DLGAP2: variants seen among roughly 807,000 people sequenced by gnomAD.
DLGAP2 encodes the protein disks large-associated protein 2.
A neutral mutation model predicts 100.3 loss-of-function variants in DLGAP2; 26 were observed. The observed-to-expected ratio is 0.26, with a 90% CI of 0.19 to 0.36. The LOEUF (loss-of-function observed/expected upper bound fraction) is 0.36, where lower values mean the gene tolerates loss of function less well. DLGAP2 is among the 10% of genes least tolerant of loss of function. The probability of loss-of-function intolerance (pLI) is 1.00; values close to 1 mark genes in which losing one functional copy is unlikely to be tolerated. For missense variants in DLGAP2, 1,858 were observed against 1,453.2 expected, an observed-to-expected ratio of 1.28 and a Z score of -4.53; for synonymous variants, 886 against 630.1, an observed-to-expected ratio of 1.41 and a Z score of -6.08.
At chr8:1,342,638 T>C (rs911412160) in intron 3 of DLGAP2, among the ~76,000 whole-genome samples, 18 of 152,244 alleles carry the variant, frequency 1.2e-4, no homozygotes, top group African/African-American at 3.9e-4. Flanking sequence ...AAGTGCGTTA[T>C]CACATGCGAA....
chr8:1,203,293 T>A (rs1198450636), intron 2 of DLGAP2, among the ~76,000 whole-genome samples: 1 of 149,156 alleles, frequency 6.7e-6, no homozygotes, highest in Non-Finnish European at 1.5e-5. Flanking sequence ...CACCCCTCGG[T>A]GTTAGAATCC....
chr8:1,596,800 C>T (rs1796472854), intron 6 of DLGAP2, among the ~76,000 whole-genome samples: 1 of 152,106 alleles, frequency 6.6e-6, no homozygotes, highest in Non-Finnish European at 1.5e-5. Flanking sequence ...AGATAGATTA[C>T]AAACATTTTC....
At chr8:1,407,415 C>G (rs1316682804) in intron 3 of DLGAP2, among the ~76,000 whole-genome samples, 5 of 122,490 alleles carry the variant, frequency 4.1e-5, no homozygotes, top group African/African-American at 6.0e-5. Context: ...CTGAGCGCCA[C>G]CTCCTTGTCC....
At chr8:1,174,102 A>G (rs751929282) in intron 2 of DLGAP2, among the ~76,000 whole-genome samples, 10 of 152,156 alleles carry the variant, frequency 6.6e-5, no homozygotes, top group Non-Finnish European at 1.5e-4. Context: ...TTAAACAGTG[A>G]CAGAGGGCTC....
chr8:1,436,706 G>A (rs750531278), intron 3 of DLGAP2, among the ~76,000 whole-genome samples: 20 of 151,940 alleles, frequency 1.3e-4, no homozygotes, highest in African/African-American at 3.6e-4. Flanking sequence ...CTCGGGCCGC[G>A]CATTCACTCC....
At chr8:1,614,015 C>T (rs1797068332) in intron 6 of DLGAP2, among the ~76,000 whole-genome samples, 2 of 152,150 alleles carry the variant, frequency 1.3e-5, no homozygotes, top group South Asian at 2.1e-4. Context: ...GTCTCAGACT[C>T]GGCGGGGTTT....
chr8:1,691,664 C>T (rs750607547), intron 13 of DLGAP2, 38 bp downstream of exon 13: 7 of 1,495,532 alleles, frequency 4.7e-6, no homozygotes, highest in Non-Finnish European at 6.5e-6. Flanking sequence ...TCCCTGTAAC[C>T]AAGCTAATGG....
chr8:1,487,801 C>T (rs146045608), intron 3 of DLGAP2, among the ~76,000 whole-genome samples: 278 of 152,276 alleles, frequency 1.8e-3, no homozygotes, highest in Middle Eastern at 6.8e-3. Context: ...TGGTCGAGTA[C>T]GAGTAGTCGG....
At position 1,632,855 on chromosome 8, in the gene DLGAP2, T is replaced by G. The variant is rs1448299234; in HGVS notation, c.1619T>G (p.Phe540Cys). ...QVSEAEINGQFESVCESVFSE... is the reference protein window; with the variant it reads ...QVSEAEINGQCESVCESVFSE... ...AGCGAGGCGGAGATCAATGGGCAAT[T>G]CGAGTCCGTGTGCGAGTCCGTCTTC... Residue 540 changes from phenylalanine (F) to cysteine (C), a missense_variant, in exon 8 of 15, where the codon TTC becomes TGC. Physicochemically the swap from Phe to Cys is radical, Grantham distance 205 (BLOSUM62 -2). Coordinates refer to ENST00000637795, the MANE Select transcript of DLGAP2 (RefSeq NM_001346810.2). The G allele has an allele frequency of 4.3e-6, 7 of 1,613,198 alleles. No individual in the cohort carries two copies. The highest frequency in any genetic ancestry group is 5.9e-6 in the Non-Finnish European group (7 of 1,179,384).
intron 3 of DLGAP2, among the ~76,000 whole-genome samples, chr8:1,485,350 T>A (rs1799211030): frequency 6.6e-6 from 1 of 152,222 alleles, no homozygotes. Context: ...GACTTATCTA[T>A]GATTCAAATG....
intron 8 of DLGAP2, among the ~76,000 whole-genome samples, chr8:1,664,480 C>T (rs1244511128): frequency 6.6e-6 from 1 of 152,158 alleles, no homozygotes; most frequent in East Asian, 1.9e-4. Flanking sequence ...TTATGGAGCA[C>T]ACTGGGGCCA....
chr8:1,303,716 C>G (rs1380314067), intron 3 of DLGAP2, among the ~76,000 whole-genome samples: 7 of 152,180 alleles, frequency 4.6e-5, no homozygotes, highest in Non-Finnish European at 8.8e-5. Context: ...GGCACGGGTG[C>G]TTCCTCCCAG....
intron 2 of DLGAP2, among the ~76,000 whole-genome samples, chr8:1,029,605 G>T (rs1801917572): frequency 7.6e-6 from 1 of 131,628 alleles, no homozygotes; most frequent in South Asian, 2.6e-4. Context: ...GTGCCAACAG[G>T]TTCTGGCAGG....
chr8:1,275,572 C>G (rs945837101), intron 3 of DLGAP2, among the ~76,000 whole-genome samples: 8 of 151,000 alleles, frequency 5.3e-5, no homozygotes, highest in African/African-American at 2.0e-4. Context: ...ATTCCCAGAT[C>G]TTCACAAAGA....
At chr8:788,495 C>A (rs766532436) in intron 1 of DLGAP2, among the ~76,000 whole-genome samples, 2 of 152,210 alleles carry the variant, frequency 1.3e-5, no homozygotes, top group Admixed American at 1.3e-4. Context: ...AAGTTTGGCA[C>A]CATCCCAGGT....
At chr8:988,376 T>C (rs1051311610) in intron 2 of DLGAP2, among the ~76,000 whole-genome samples, 2 of 152,234 alleles carry the variant, frequency 1.3e-5, no homozygotes, top group Non-Finnish European at 2.9e-5. Context: ...TTTATTCTTC[T>C]CTCCGAAGCT....
intron 3 of DLGAP2, among the ~76,000 whole-genome samples, chr8:1,329,010 G>T (rs1258080098): frequency 1.3e-5 from 2 of 152,244 alleles, no homozygotes; most frequent in East Asian, 3.8e-4. Flanking sequence ...TCTGCAGGCA[G>T]AGTCCACATG....
At chr8:1,036,702 G>T (rs1044392288) in intron 2 of DLGAP2, among the ~76,000 whole-genome samples, 4 of 152,128 alleles carry the variant, frequency 2.6e-5, no homozygotes, top group African/African-American at 9.7e-5. Flanking sequence ...GGCAGGGAGG[G>T]TGCTGGCTCC....
At chr8:1,187,227 T>C (rs1487486953) in intron 2 of DLGAP2, among the ~76,000 whole-genome samples, 1 of 151,994 alleles carries the variant, frequency 6.6e-6, no homozygotes, top group African/African-American at 2.4e-5. Context: ...ACACGGGACC[T>C]CCGTGACGTT....
Sources: allele counts gnomAD v4.1 joint callset (sites outside exome capture counted in the v4.1 genomes callset), GRCh38; gene constraint gnomAD v4.1.1; transcripts MANE v1.5; gene names NCBI Gene and HGNC (gene_info 2026-07-23, HGNC 2026-07-21).